The following ATG16L2 variants were observed in gnomAD, a reference collection of about 807,000 sequenced individuals.
The protein encoded by ATG16L2 is autophagy related 16 like 2, also known as protein Atg16l2.
A neutral mutation model predicts 84.7 loss-of-function variants in ATG16L2; 77 were observed. The ratio of observed to expected loss-of-function variants is 0.91; its 90% CI spans 0.76 to 1.10. ATG16L2 has a LOEUF of 1.10. Ranked by LOEUF, ATG16L2 falls within the 50% of genes least tolerant of loss-of-function variation. The pLI is 0.00. For synonymous variants in ATG16L2, 361 were observed against 342.8 expected, an observed-to-expected ratio of 1.05 and a Z score of -0.59; for missense variants, 782 against 817.6, an observed-to-expected ratio of 0.96 and a Z score of 0.53.
rs959765030 is a variant in ATG16L2, at chr11:72,823,063, G to A, written c.824+102G>A. The A allele has an allele frequency of 9.2e-5, 72 of 785,734 alleles. No homozygotes were observed. In the African/African-American group the frequency reaches 1.1e-3, roughly 12 times the overall value. The allele number at this position is 785,734 out of a possible 1,614,324, so 48.7% of individuals were successfully genotyped here. On this transcript the variant is annotated intron_variant, in intron 7 of 17. Transcript: ENST00000321297. The stretch of plus-strand genomic sequence containing the variant: ...CTTGGAGCCAGCTCTTGGGTTGGGA[G>A]GGGGCTTGAGGAGAGGCCAGAAAGC...
At chr11:72,821,098 A>T (rs1859966535) in intron 3 of ATG16L2, 4 of 446,066 alleles carry the variant, frequency 9.0e-6, no homozygotes, top group Non-Finnish European at 1.2e-5. Flanking sequence ...ACCAGCCTGG[A>T]GGGTGATGCA....
At chr11:72,841,469 A>G (rs766720051) in intron 5 of ATG16L2, 4 of 1,608,636 alleles carry the variant, frequency 2.5e-6, no homozygotes, top group Non-Finnish European at 3.4e-6. Flanking sequence ...GCTGAAGGAG[A>G]CCGGGGAAAG....
chr11:72,831,127 G>A (rs1222004912), downstream of ATG16L2, among the ~76,000 whole-genome samples: 1 of 152,348 alleles, frequency 6.6e-6, no homozygotes, highest in East Asian at 1.9e-4. Flanking sequence ...GGAACTCTTG[G>A]AAGAGGCCAG....
intron 1 of ATG16L2, chr11:72,816,465 T>G (rs986047256): frequency 2.3e-6 from 1 of 427,842 alleles, no homozygotes; most frequent in African/African-American, 2.0e-5. Flanking sequence ...TACCCCGCAG[T>G]GGTCATCCTT....
In ATG16L2 at chr11:72,822,221, C is replaced by G. The variant is rs1860041302; in HGVS notation, c.570C>G (p.Asp190Glu). The change falls in exon 5 of 18, where the codon GAC (aspartate) becomes GAG (glutamate). Residue 190 changes from aspartate (D) to glutamate (E), a missense_variant. Coordinates refer to ENST00000321297, the MANE Select transcript of ATG16L2 (RefSeq NM_033388.2). The surrounding 1 kb of genome is among the most constrained non-coding windows in gnomAD (Gnocchi z 4.2). ...ALRRLQEEAR[D>E]LLERLVQRKA... is the part of the protein sequence containing the mutation. ...GCAGGCTCCAGGAAGAGGCGCGCGA[C>G]CTGCTGGAGAGGCTCGTGCAGCGCA... 1 of 1,504,868 alleles carries G rather than the reference C, an allele frequency of 6.6e-7. No individual in the cohort carries two copies. The highest frequency in any genetic ancestry group is 2.2e-5 in the Admixed American group (1 of 44,546). 93.2% of individuals were successfully genotyped at this position (1,504,868 alleles called of 1,614,324 possible). A position where few individuals can be genotyped will look rare whatever the true frequency, so the allele number is the denominator to read the frequency against.
At chr11:72,824,895 ACAGGGGTGGTCTCGGCAC>A in intron 9 of ATG16L2, 53 bp downstream of exon 9, 2 of 1,466,284 alleles carry the variant, frequency 1.4e-6, no homozygotes, top group African/African-American at 1.4e-5. Flanking sequence ...GAGTGCAGGC[ACAGGGGTGGTCTCGGCAC>A]CAGGGGTGGT....
At chr11:72,825,457 C>A in intron 10 of ATG16L2, 50 bp downstream of exon 10, 1 of 1,403,874 alleles carries the variant, frequency 7.1e-7, no homozygotes, top group South Asian at 1.1e-5. Flanking sequence ...TCCAGACCCT[C>A]TCCTCAGCTC....
downstream of ATG16L2, among the ~76,000 whole-genome samples, chr11:72,831,234 C>G (rs970587832): frequency 6.6e-6 from 1 of 152,218 alleles, no homozygotes; most frequent in Non-Finnish European, 1.5e-5. Flanking sequence ...AGGCTGGATG[C>G]GGTGGCTCAC....
intron 3 of ATG16L2, chr11:72,821,237 G>A: frequency 1.0e-6 from 1 of 999,118 alleles, no homozygotes; most frequent in Non-Finnish European, 1.2e-6. Context: ...TGGTGAGGAT[G>A]GAAGGAGCGT....
chr11:72,826,633 C>T (rs906765059), intron 12 of ATG16L2, 44 bp downstream of exon 12: 2 of 1,614,020 alleles, frequency 1.2e-6, no homozygotes, highest in Non-Finnish European at 1.7e-6. Context: ...AGAGGTCATA[C>T]CTCAGGACTA....
chr11:72,841,023 G>T (rs955938817), intron 5 of ATG16L2: 4 of 1,246,164 alleles, frequency 3.2e-6, no homozygotes, highest in Non-Finnish European at 4.7e-6. Context: ...CTGATGCAAG[G>T]CTGGCATGGT....
rs1376715300 is a variant in ATG16L2, at chr11:72,822,546, A to G, written c.710+3A>G. 1.2e-6 allele frequency: 2 copies of G among 1,612,292 alleles called. No homozygotes were observed. The highest frequency in any genetic ancestry group is 1.3e-5 in the African/African-American group (1 of 74,892). On this transcript the variant is annotated splice_donor_region_variant and intron_variant, in intron 6 of 17. Transcript: ENST00000321297. This position sits in a 1 kb window ranked among gnomAD's most constrained non-coding sequence, Gnocchi z 4.2. The stretch of plus-strand genomic sequence containing the variant: ...AAGCGGACCGTGAGCATCAGCGAGT[A>G]AGAGTGGGGATGGGCCGGTCCGACC...
chr11:72,841,383 T>G, intron 5 of ATG16L2: 1 of 1,395,238 alleles, frequency 7.2e-7, no homozygotes, highest in Non-Finnish European at 9.7e-7. Context: ...AGTTTTTTTT[T>G]GCCCTTCAGG....
At chr11:72,831,988 G>A (rs1860617037), downstream of ATG16L2, among the ~76,000 whole-genome samples, 4 of 152,216 alleles carry the variant, frequency 2.6e-5, no homozygotes, top group Non-Finnish European at 1.5e-5. Context: ...GGGTAGAGGT[G>A]TGATGCTAGC....
chr11:72,819,980 C>G (rs957020013), intron 3 of ATG16L2, among the ~76,000 whole-genome samples: 14 of 152,164 alleles, frequency 9.2e-5, no homozygotes, highest in African/African-American at 2.7e-4. Context: ...CTCCTGACCT[C>G]GTGATCCACC....
At chr11:72,830,395 G>A (rs2135130141), downstream of ATG16L2, among the ~76,000 whole-genome samples, 1 of 152,226 alleles carries the variant, frequency 6.6e-6, no homozygotes, top group South Asian at 2.1e-4. Flanking sequence ...GCTGGTTCTA[G>A]TACTCCTCCA....
Position 72,828,448 on chromosome 11 carries a change from C to G in ATG16L2, c.1562C>G (p.Ser521Cys), listed in dbSNP as rs781655286. 9 of 1,614,078 alleles carry G rather than the reference C, an allele frequency of 5.6e-6. No individual in the cohort carries two copies. The highest frequency in any genetic ancestry group is 1.6e-4 in the Middle Eastern group (1 of 6,084). Reference sequence around the variant, plus strand: ...GACCAACTGCACCTGCTCAGCTGTTCCCGAGACAACACACTCAAGGTCATC... The same window carrying G: ...GACCAACTGCACCTGCTCAGCTGTTGCCGAGACAACACACTCAAGGTCATC... ...SHDQLHLLSCSRDNTLKVIDL... is the reference protein window; with the variant it reads ...SHDQLHLLSCCRDNTLKVIDL... The change falls in exon 15 of 18, where the codon TCC (serine) becomes TGC (cysteine). Residue 521 changes from serine to cysteine, a missense_variant. Transcript: ENST00000321297.
intron 5 of ATG16L2, chr11:72,841,468 G>C: frequency 6.2e-7 from 1 of 1,610,794 alleles, no homozygotes; most frequent in African/African-American, 1.3e-5. Flanking sequence ...TGCTGAAGGA[G>C]ACCGGGGAAA....
chr11:72,827,338 A>G (rs373804690), intron 14 of ATG16L2, 45 bp downstream of exon 14: 2 of 1,479,666 alleles, frequency 1.4e-6, no homozygotes, highest in Non-Finnish European at 9.5e-7. Flanking sequence ...GGCTGGGGAC[A>G]GGGCTCCCAA....
Sources: gnomAD v4.1 joint callset for allele counts (sites outside exome capture counted in the v4.1 genomes callset) on GRCh38, gnomAD v4.1.1 for gene constraint, Gnocchi (gnomAD v3.1) non-coding constraint, MANE v1.5 for transcripts, NCBI Gene and HGNC (gene_info 2026-07-23, HGNC 2026-07-21) for gene names.